Variants in PPP1R12C observed in about 807,000 individuals in gnomAD.
PPP1R12C encodes protein phosphatase 1 regulatory subunit 12C, also known as leukocyte receptor cluster (LRC) encoded novel gene 3.
Under a neutral mutation model 95.6 loss-of-function variants are expected in PPP1R12C, and 48 were observed. That is an observed-to-expected ratio of 0.50 (90% confidence interval 0.40 to 0.64). The LOEUF is 0.64. Among genes scored for constraint, PPP1R12C ranks in the 30% least tolerant of loss-of-function variants. PPP1R12C has a pLI of 0.00. For synonymous variants in PPP1R12C, 480 were observed against 460.8 expected (o/e 1.04, Z -0.53); for missense variants, 1,057 against 1,083.3 (o/e 0.98, Z 0.34).
rs1380851961 is a variant in PPP1R12C, at chr19:55,091,514, C to G, written c.2307G>C (p.Glu769Asp). 6.2e-7 allele frequency: 1 copy of G among 1,614,050 alleles called. No individual in the cohort carries two copies. ...TGATGACGCGGATCAACGCTGCATT[C>G]TCATCCTTGAGGCGCTGGTTGTCAG... Reference protein sequence around the residue: ...LRADNQRLKDENAALIRVISK... With the variant: ...LRADNQRLKDDNAALIRVISK... Residue 769 changes from glutamate (E) to aspartate (D), a missense_variant, in exon 22 of 22, where the codon GAG becomes GAC. Transcript: ENST00000263433.
intron 20 of PPP1R12C, 43 bp downstream of exon 20, chr19:55,091,816 G>A: frequency 3.1e-6 from 5 of 1,612,280 alleles, no homozygotes; most frequent in Non-Finnish European, 4.2e-6. Flanking sequence ...GGGATGTGAG[G>A]CTGGGGACGC....
chr19:55,115,611 G>A (rs984879548), intron 1 of PPP1R12C: 1 of 152,034 alleles, frequency 6.6e-6, no homozygotes, highest in Non-Finnish European at 1.5e-5. Context: ...AACCTTAGAG[G>A]TTCTGGCAAG....
intron 15 of PPP1R12C, 48 bp from the exon 16 acceptor site, chr19:55,092,916 C>T (rs1369075796): frequency 2.5e-6 from 4 of 1,594,216 alleles, no homozygotes; most frequent in East Asian, 4.5e-5. Context: ...AGCCCCCTCT[C>T]GGTGCCTGGG....
intron 19 of PPP1R12C, 52 bp from the exon 20 acceptor site, chr19:55,091,961 C>A: frequency 6.2e-7 from 1 of 1,601,810 alleles, no homozygotes; most frequent in South Asian, 1.1e-5. Flanking sequence ...CAGCACTGCT[C>A]TGAAGGGTCC....
chr19:55,100,894 G>C (rs961385209), intron 4 of PPP1R12C, among the ~76,000 whole-genome samples: 15 of 152,266 alleles, frequency 9.9e-5, no homozygotes, highest in African/African-American at 3.6e-4. Flanking sequence ...TTACAGGCGT[G>C]ATCCACCACG....
intron 6 of PPP1R12C, among the ~76,000 whole-genome samples, chr19:55,097,390 T>A (rs369571314): frequency 2.2e-5 from 2 of 90,186 alleles, no homozygotes; most frequent in African/African-American, 4.2e-5. Flanking sequence ...ACCCCTTCCC[T>A]GCAGTTCACC....
rs2084890702 is a variant in PPP1R12C, at chr19:55,094,762, G to C, written c.1491C>G (p.Asn497Lys). Reference sequence around the variant, plus strand: ...CCGGAATCCTGGAGGGAGGCGAGGAGTTCTCCAAGCAAGGAGGAGGCTTGG... The same window carrying C: ...CCGGAATCCTGGAGGGAGGCGAGGACTTCTCCAAGCAAGGAGGAGGCTTGG... ...EVTKPPPCLE[N>K]SSPPSRIPEP... The change falls in exon 12 of 22, where the codon AAC becomes AAG. Residue 497 changes from asparagine to lysine, a missense_variant. Coordinates refer to ENST00000263433, the MANE Select transcript of PPP1R12C (RefSeq NM_017607.4). The C allele has an allele frequency of 1.9e-6, 3 of 1,605,798 alleles. No homozygotes were observed. The highest frequency in any genetic ancestry group is 1.3e-5 in the African/African-American group (1 of 74,886).
intron 6 of PPP1R12C, 46 bp downstream of exon 6, chr19:55,098,738 G>A (rs1259105173): frequency 6.2e-7 from 1 of 1,609,682 alleles, no homozygotes; most frequent in South Asian, 1.1e-5. Context: ...GAGGAGCTGA[G>A]GGGACATGGG....
intron 1 of PPP1R12C, 165 bp from the exon 2 acceptor site, chr19:55,112,960 G>T: frequency 1.0e-6 from 1 of 989,716 alleles, no homozygotes; most frequent in Non-Finnish European, 1.5e-6. Context: ...GATACGCCTG[G>T]TTGCCCAGTG....
At chr19:55,103,170 G>C (rs2084996976) in intron 4 of PPP1R12C, among the ~76,000 whole-genome samples, 1 of 152,052 alleles carries the variant, frequency 6.6e-6, no homozygotes, top group South Asian at 2.1e-4. Context: ...CTCCAGCCTG[G>C]GTGACATAGC....
intron 11 of PPP1R12C, 26 bp from the exon 12 acceptor site, chr19:55,094,824 A>C: frequency 6.4e-7 from 1 of 1,570,986 alleles, no homozygotes; most frequent in Non-Finnish European, 8.6e-7. Flanking sequence ...CATTCCACAA[A>C]CATTACCCAG....
chr19:55,113,558 G>A, intron 1 of PPP1R12C: 1 of 1,339,576 alleles, frequency 7.5e-7, no homozygotes, highest in Admixed American at 3.5e-5. Flanking sequence ...GGAGGGACTT[G>A]CCCCAGGCCT....
intron 4 of PPP1R12C, among the ~76,000 whole-genome samples, chr19:55,101,118 C>T (rs2147193956): frequency 6.6e-6 from 1 of 152,096 alleles, no homozygotes; most frequent in Admixed American, 6.5e-5. Context: ...CATGGTGGAG[C>T]ACACCTGTAA....
At chr19:55,115,889 C>T (rs1465726298) in intron 1 of PPP1R12C, among the ~76,000 whole-genome samples, 1 of 152,172 alleles carries the variant, frequency 6.6e-6, no homozygotes, top group Non-Finnish European at 1.5e-5. Context: ...AGCAAACATG[C>T]TGTCCTGAAG....
rs2532052 is a variant in PPP1R12C, at chr19:55,095,193, A to G, written c.1454+98T>C. On this transcript the variant is annotated intron_variant, in intron 11 of 21. Transcript: ENST00000263433. ...GCTCTGGAGTGGCGGCAGGAACCAG[A>G]CCCCAGGGGGTACATGGTCTCACTC... The G allele has an allele frequency of 7.8e-3, 10,506 of 1,347,494 alleles. 691 individuals are homozygous for G. In the African/African-American group the frequency reaches 0.14, roughly 18 times the overall value. 83.5% of individuals were successfully genotyped at this position (1,347,494 alleles called of 1,614,324 possible).
chr19:55,095,717 G>C (rs756386110), intron 9 of PPP1R12C, 114 bp from the exon 10 acceptor site: 350 of 1,513,008 alleles, frequency 2.3e-4, no homozygotes, highest in Non-Finnish European at 3.1e-4. Context: ...CCCGGGGCAG[G>C]CACAGCCTAA....
Position 55,117,402 on chromosome 19 carries a change from G to A in PPP1R12C, c.142C>T (p.Arg48Cys). ...GPGERRARTV[R>C]FERAAEFLAA... is the part of the protein sequence containing the mutation. Reference sequence around the variant, plus strand: ...AGGAACTCGGCGGCGCGCTCGAAGCGGACGGTGCGGGCGCGGCGCTCTCCG... The same window carrying A: ...AGGAACTCGGCGGCGCGCTCGAAGCAGACGGTGCGGGCGCGGCGCTCTCCG... Residue 48 changes from arginine to cysteine, a missense_variant, in exon 1 of 22, where the codon CGC becomes TGC. Transcript: ENST00000263433. 2 of 1,038,902 alleles carry A rather than the reference G, an allele frequency of 1.9e-6. No individual in the cohort carries two copies. The highest frequency in any genetic ancestry group is 1.2e-6 in the Non-Finnish European group (1 of 866,830). The allele number at this position is 1,038,902 out of a possible 1,614,324, so 64.4% of individuals were successfully genotyped here.
At position 55,103,440 on chromosome 19, in the gene PPP1R12C, C is replaced by A; in HGVS notation, c.700G>T (p.Ala234Ser). ...PRTGASALHV[A>S]AAKGYIEVMR... is the part of the protein sequence containing the mutation. ...ACCTCAATGTAGCCCTTGGCAGCAGCCACGTGCAGGGCAGAGGCGCCTGTG... is the reference window on the plus strand; with the variant it reads ...ACCTCAATGTAGCCCTTGGCAGCAGACACGTGCAGGGCAGAGGCGCCTGTG... The change falls in exon 4 of 22, where the codon GCT (alanine) becomes TCT (serine). Residue 234 changes from alanine to serine, a missense_variant. Physicochemically the swap from Ala to Ser is moderately conservative, Grantham distance 99. Around this residue, in one of 5 missense-constraint regions of PPP1R12C, gnomAD observed 282 missense variants for 380.4 expected, o/e 0.74. Coordinates refer to ENST00000263433, the MANE Select transcript of PPP1R12C (RefSeq NM_017607.4). The A allele has an allele frequency of 6.4e-7, 1 of 1,555,666 alleles. No individual in the cohort carries two copies. The highest frequency in any genetic ancestry group is 8.8e-7 in the Non-Finnish European group (1 of 1,140,910).
rs150107692 is a variant in PPP1R12C at position 55,103,459 on chromosome 19, G to A, written c.681C>T (p.Gly227=). ...AMPEARHPRT[G]ASALHVAAAK... Reference sequence around the variant, plus strand: ...CAGCAGCCACGTGCAGGGCAGAGGCGCCTGTGCGGGGGTGCCGGGCCTCTG... The same window carrying A: ...CAGCAGCCACGTGCAGGGCAGAGGCACCTGTGCGGGGGTGCCGGGCCTCTG... Residue 227 remains glycine, a synonymous_variant, in exon 4 of 22, where the codon GGC becomes GGT. Transcript: ENST00000263433. The A allele has an allele frequency of 1.2e-4, 185 of 1,589,942 alleles. No individual in the cohort carries two copies. Among genetic ancestry groups the A allele is most frequent in the African/African-American group, 1.1e-3 (82 of 74,310 alleles).
Sources: allele counts gnomAD v4.1 joint callset (sites outside exome capture counted in the v4.1 genomes callset), GRCh38; gene constraint gnomAD v4.1.1; regional missense constraint gnomAD v4.1.1; transcripts MANE v1.5; gene names NCBI Gene and HGNC (gene_info 2026-07-23, HGNC 2026-07-21).